Variants in CREBBP observed in about 807,000 individuals in gnomAD.
CREBBP encodes the protein CREB-binding protein.
A neutral mutation model predicts 265.0 loss-of-function variants in CREBBP; 19 were observed. That is an observed-to-expected ratio of 0.07 (90% CI 0.05 to 0.11). The LOEUF (loss-of-function observed/expected upper bound fraction) is 0.11, where lower values mean the gene tolerates loss of function less well. CREBBP is among the 10% of genes least tolerant of loss of function. The pLI is 1.00. For synonymous variants in CREBBP, 1,457 were observed against 1,223.7 expected (o/e 1.19, Z -3.98); for missense variants, 2,525 against 3,219.0 (o/e 0.78, Z 5.22).
intron 1 of CREBBP, among the ~76,000 whole-genome samples, chr16:3,873,004 T>C (rs1726228122): frequency 6.6e-6 from 1 of 152,214 alleles, no homozygotes; most frequent in African/African-American, 2.4e-5. Flanking sequence ...CCCTTTCTGG[T>C]TCCAGAGTTT....
At chr16:3,762,730 A>G (rs1392313803) in intron 16 of CREBBP, among the ~76,000 whole-genome samples, 1 of 151,986 alleles carries the variant, frequency 6.6e-6, no homozygotes, top group African/African-American at 2.4e-5. Context: ...TACCAAACGA[A>G]TAATATTACA....
intron 13 of CREBBP, among the ~76,000 whole-genome samples, chr16:3,773,111 A>C (rs1397338465): frequency 1.3e-5 from 2 of 151,998 alleles, no homozygotes; most frequent in Non-Finnish European, 2.9e-5. Context: ...ACAAAAAAAA[A>C]CTTAAAACAA....
At chr16:3,838,819 G>C (rs1431368209) in intron 2 of CREBBP, among the ~76,000 whole-genome samples, 3 of 152,086 alleles carry the variant, frequency 2.0e-5, no homozygotes, top group Non-Finnish European at 4.4e-5. Flanking sequence ...AAGTAGCTGG[G>C]ATCACAAGAA....
At chr16:3,814,264 TGTGTG>T (rs2053996246) in intron 2 of CREBBP, among the ~76,000 whole-genome samples, 1 of 123,340 alleles carries the variant, frequency 8.1e-6, no homozygotes, top group Non-Finnish European at 1.7e-5. Flanking sequence ...TGTGTGTGTG[TGTGTG>T]TTTGAGACAG....
chr16:3,811,050 T>C (rs1176374564), intron 2 of CREBBP, among the ~76,000 whole-genome samples: 2 of 151,814 alleles, frequency 1.3e-5, no homozygotes, highest in African/African-American at 4.8e-5. Context: ...GCCCCAACAA[T>C]GGCACCAACA....
chr16:3,803,018 C>T (rs1009211748), intron 3 of CREBBP, among the ~76,000 whole-genome samples: 1 of 151,994 alleles, frequency 6.6e-6, no homozygotes, highest in Non-Finnish European at 1.5e-5. Context: ...AAAGAAAATG[C>T]TCATTAAATG....
rs2055377093 is a variant in CREBBP at position 3,875,323 on chromosome 16, G to A, written c.85+4509C>T. ...TCACCCCTCTCAGTTATTCAAAAAC[G>A]AAGCACGGTCATGAAATGTCCTAGT... On this transcript the variant is annotated intron_variant, in intron 1 of 30. Transcript: ENST00000262367. Among the ~76,000 whole-genome samples, 4 of 152,274 alleles carry A rather than the reference G, an allele frequency of 2.6e-5. 1 individual carries two copies. Among genetic ancestry groups the A allele is most frequent in the South Asian group, 2.1e-4 (1 of 4,828 alleles).
intron 2 of CREBBP, among the ~76,000 whole-genome samples, chr16:3,847,858 T>A (rs2054700291): frequency 6.6e-6 from 1 of 152,194 alleles, no homozygotes; most frequent in African/African-American, 2.4e-5. Flanking sequence ...ATGTAGATTT[T>A]GAGTAAAAAT....
chr16:3,840,094 G>GT (rs1240456557), intron 2 of CREBBP, among the ~76,000 whole-genome samples: 1 of 152,102 alleles, frequency 6.6e-6, no homozygotes, highest in Non-Finnish European at 1.5e-5. Context: ...GCACTACATA[G>GT]TTTCATTCTA....
chr16:3,727,549 G>C lies in CREBBP; in HGVS notation c.*169C>G. 2.1e-6 allele frequency: 2 copies of C among 938,354 alleles called. No individual in the cohort carries two copies. The highest frequency in any genetic ancestry group is 2.8e-6 in the Non-Finnish European group (2 of 724,604). The allele number at this position is 938,354 out of a possible 1,614,324, so 58.1% of individuals were successfully genotyped here. A position where few individuals can be genotyped will look rare whatever the true frequency, so the allele number is the denominator to read the frequency against. ...AGAGACCAGATATTTAAATCAACTG[G>C]TTTTTAACAAAAAAATATATTCTTT... On this transcript the variant is annotated 3_prime_UTR_variant, in exon 31 of 31. Coordinates refer to ENST00000262367, the MANE Select transcript of CREBBP (RefSeq NM_004380.3).
At chr16:3,824,425 G>A (rs1016835416) in intron 2 of CREBBP, among the ~76,000 whole-genome samples, 1 of 152,254 alleles carries the variant, frequency 6.6e-6, no homozygotes, top group African/African-American at 2.4e-5. Context: ...GGGGTTAACT[G>A]ACAGAGCTAA....
At position 3,833,895 on chromosome 16, in the gene CREBBP, C is replaced by G. The variant is rs373021417; in HGVS notation, c.798+16402G>C. 4.6e-5 allele frequency among the ~76,000 whole-genome samples: 7 copies of G among 152,258 alleles called. No individual in the cohort carries two copies. In the South Asian group the frequency reaches 8.3e-4, roughly 18 times the overall value. On this transcript the variant is annotated intron_variant, in intron 2 of 30. Transcript: ENST00000262367. ...TGCAAGAAACACATCTGATAAAGAT[C>G]TATTTACAAAAATATATAAAGAACT...
chr16:3,807,177 TTGAA>T (rs1376992866), intron 3 of CREBBP, among the ~76,000 whole-genome samples: 1 of 152,156 alleles, frequency 6.6e-6, no homozygotes, highest in Non-Finnish European at 1.5e-5. Flanking sequence ...GACAAATTAA[TTGAA>T]TGATCATATC....
intron 3 of CREBBP, among the ~76,000 whole-genome samples, chr16:3,805,095 C>T (rs1270406593): frequency 6.6e-6 from 1 of 152,222 alleles, no homozygotes; most frequent in Non-Finnish European, 1.5e-5. Context: ...ATTGCCAAAA[C>T]CAACGGGGAT....
intron 1 of CREBBP, among the ~76,000 whole-genome samples, chr16:3,869,523 A>G (rs193155993): frequency 7.2e-5 from 11 of 152,360 alleles, no homozygotes; most frequent in South Asian, 6.2e-4. Context: ...GACAAAGAGG[A>G]TAAGTAAATG....
Position 3,780,746 on chromosome 16 carries a change from A to G in CREBBP, c.1809T>C (p.His603=), listed in dbSNP as rs2053254759. 1 of 1,614,064 alleles carries G rather than the reference A, an allele frequency of 6.2e-7. No individual in the cohort carries two copies. The highest frequency in any genetic ancestry group is 8.5e-7 in the Non-Finnish European group (1 of 1,180,038). The change falls in exon 8 of 31, where the codon CAT becomes CAC. Residue 603 remains histidine (H), a synonymous_variant. Coordinates refer to ENST00000262367, the MANE Select transcript of CREBBP (RefSeq NM_004380.3). ...CTGTTACGTACAGTTTATGCACTAG[A>G]TGGCTCCGCAGGTCCTGAGTGACAT... ...HEHVTQDLRS[H]LVHKLVQAIF...
chr16:3,739,849 C>A, intron 24 of CREBBP, 125 bp from the exon 25 acceptor site: 5 of 1,384,540 alleles, frequency 3.6e-6, no homozygotes, highest in East Asian at 2.4e-5. Context: ...CCTCCTCAGA[C>A]CGTGGCCTGG....
chr16:3,745,637 G>T, intron 21 of CREBBP: 1 of 481,942 alleles, frequency 2.1e-6, no homozygotes. Flanking sequence ...AAAAATTGCT[G>T]CGACAAATAC....
chr16:3,854,438 A>G (rs890278744), intron 1 of CREBBP, among the ~76,000 whole-genome samples: 10 of 152,342 alleles, frequency 6.6e-5, no homozygotes, highest in South Asian at 2.1e-4. Context: ...CTGCTGAGTG[A>G]TGCAACCCTA....
Sources: gnomAD v4.1 joint callset for allele counts (sites outside exome capture counted in the v4.1 genomes callset) on GRCh38, gnomAD v4.1.1 for gene constraint, MANE v1.5 for transcripts, NCBI Gene and HGNC (gene_info 2026-07-23, HGNC 2026-07-21) for gene names.